The following SIRT1 variants were observed in gnomAD, a reference collection of about 807,000 sequenced individuals.
The protein encoded by SIRT1 is sirtuin 1, also known as NAD-dependent protein deacetylase sirtuin-1.
A neutral mutation model predicts 67.9 loss-of-function variants in SIRT1; 24 were observed. That is an observed-to-expected ratio of 0.35 (90% CI 0.26 to 0.50). The LOEUF is 0.50. SIRT1 is among the 20% of genes least tolerant of loss of function. SIRT1 has a pLI of 0.98. For synonymous variants in SIRT1, 378 were observed against 350.7 expected, an observed-to-expected ratio of 1.08 and a Z score of -0.87; for missense variants, 873 against 937.2, an observed-to-expected ratio of 0.93 and a Z score of 0.89.
chr10:67,884,917 G>C lies in SIRT1; in HGVS notation c.196G>C (p.Gly66Arg), dbSNP rs531048058. Residue 66 changes from glycine to arginine, a missense_variant, in exon 1 of 9, where the codon GGC (glycine) becomes CGC (arginine). Coordinates refer to ENST00000212015, the MANE Select transcript of SIRT1 (RefSeq NM_012238.5). ...PEREVPAAAR[G>R]CPGAAAAALW... Reference sequence around the variant, plus strand: ...GCGTGAGGTGCCGGCGGCGGCCAGGGGCTGCCCGGGTGCGGCGGCGGCGGC... The same window carrying C: ...GCGTGAGGTGCCGGCGGCGGCCAGGCGCTGCCCGGGTGCGGCGGCGGCGGC... 7.3e-6 allele frequency: 9 copies of C among 1,234,590 alleles called. No homozygotes were observed. The African/African-American group carries it at 1.4e-4, about 20-fold the overall frequency. 76.5% of individuals were successfully genotyped at this position (1,234,590 alleles called of 1,614,324 possible). A position where few individuals can be genotyped will look rare whatever the true frequency, so the allele number is the denominator to read the frequency against.
chr10:67,906,356 A>C (rs1307616400), intron 4 of SIRT1: 5 of 1,481,988 alleles, frequency 3.4e-6, no homozygotes, highest in African/African-American at 2.8e-5. Context: ...AATCAAAAAA[A>C]AATTTTAAAT....
intron 1 of SIRT1, 150 bp downstream of exon 1, chr10:67,885,301 C>T: frequency 8.1e-7 from 1 of 1,241,040 alleles, no homozygotes; most frequent in Non-Finnish European, 1.0e-6. Context: ...CCGCGCTCCT[C>T]CGGGGCTGCG....
In SIRT1 at chr10:67,895,210, A is replaced by C. The variant is rs576815019; in HGVS notation, c.942+3656A>C. Among the ~76,000 whole-genome samples, 237 of 152,200 alleles carry C rather than the reference A, an allele frequency of 1.6e-3. 3 individuals carry two copies. Among genetic ancestry groups the C allele is most frequent in the Middle Eastern group, 0.014 (4 of 294 alleles). ...CGAGGTGGGTGGATCACCTGAGGTC[A>C]GGAGTTCAAGACCAGCCTGGCCAAC... On this transcript the variant is annotated intron_variant, in intron 4 of 8. Transcript: ENST00000212015.
intron 4 of SIRT1, among the ~76,000 whole-genome samples, chr10:67,892,072 A>G (rs1307323614): frequency 2.0e-5 from 3 of 152,202 alleles, no homozygotes; most frequent in East Asian, 1.9e-4. Context: ...CACTAGCCAC[A>G]TGTGGCTGTT....
At position 67,889,072 on chromosome 10, in the gene SIRT1, T is replaced by C; in HGVS notation, c.738T>C (p.Ala246=). The C allele has an allele frequency of 6.2e-7, 1 of 1,609,200 alleles. No individual in the cohort carries two copies. Among genetic ancestry groups the C allele is most frequent in the Non-Finnish European group, 8.5e-7 (1 of 1,179,728 alleles). ...KRKDINTIED[A]VKLLQECKKI... ...AAGATATTAATACAATTGAAGATGC[T>C]GTGAAATTACTGCAAGAGTGCAAAA... is the stretch of plus-strand genomic sequence containing the variant. Residue 246 remains alanine (A), a synonymous_variant, in exon 3 of 9, where the codon GCT becomes GCC. Coordinates refer to ENST00000212015, the MANE Select transcript of SIRT1 (RefSeq NM_012238.5).
intron 8 of SIRT1, among the ~76,000 whole-genome samples, chr10:67,914,280 C>T (rs1262205845): frequency 6.6e-6 from 1 of 152,150 alleles, no homozygotes; most frequent in Non-Finnish European, 1.5e-5. Flanking sequence ...CCATGTTGGT[C>T]AGGCTGGTCT....
intron 4 of SIRT1, among the ~76,000 whole-genome samples, chr10:67,892,760 C>T (rs1842593803): frequency 6.6e-6 from 1 of 152,104 alleles, no homozygotes; most frequent in South Asian, 2.1e-4. Context: ...CGCTACCATG[C>T]CCAGCTAATT....
chr10:67,897,790 G>A (rs1319407583), intron 4 of SIRT1, among the ~76,000 whole-genome samples: 3 of 151,768 alleles, frequency 2.0e-5, no homozygotes, highest in South Asian at 2.1e-4. Flanking sequence ...GAGCCACTTC[G>A]CCCAGCCTGC....
At chr10:67,915,556 G>GA (rs1161050107) in intron 8 of SIRT1, among the ~76,000 whole-genome samples, 1 of 152,166 alleles carries the variant, frequency 6.6e-6, no homozygotes, top group Non-Finnish European at 1.5e-5. Flanking sequence ...TGGGGCCTGA[G>GA]ATCTCGGGTG....
chr10:67,913,198 CATG>C (rs1842925160), intron 8 of SIRT1, among the ~76,000 whole-genome samples, 167 bp downstream of exon 8: 1 of 152,136 alleles, frequency 6.6e-6, no homozygotes, highest in African/African-American at 2.4e-5. Context: ...GGTATCTTAA[CATG>C]ATATGGAGAA....
At chr10:67,903,080 G>C (rs34190217) in intron 4 of SIRT1, among the ~76,000 whole-genome samples, 3 of 152,054 alleles carry the variant, frequency 2.0e-5, no homozygotes, top group Non-Finnish European at 4.4e-5. Flanking sequence ...GTGACAGAGC[G>C]AGACTCTCAA....
chr10:67,890,006 G>A (rs905955269), intron 3 of SIRT1, among the ~76,000 whole-genome samples: 5 of 150,950 alleles, frequency 3.3e-5, no homozygotes, highest in African/African-American at 1.2e-4. Context: ...TGGATACAGG[G>A]TCTTGCTGTG....
rs2029943899 is a variant in SIRT1, at chr10:67,917,066, TAA to T, written c.*475_*476del. ...TTGAAGTACTCAAAATCTGTTACGC[TAA>T]ACTTTTGATTCTTTAACACAATTAT... On this transcript the variant is annotated 3_prime_UTR_variant, in exon 9 of 9. Transcript: ENST00000212015. The T allele has an allele frequency of 6.5e-6, 1 of 152,712 alleles. No individual in the cohort carries two copies. The highest frequency in any genetic ancestry group is 1.5e-5 in the Non-Finnish European group (1 of 68,068). The allele number at this position is 152,712 out of a possible 1,614,324, so 9.5% of individuals were successfully genotyped here. A position where few individuals can be genotyped will look rare whatever the true frequency, so the allele number is the denominator to read the frequency against.
At chr10:67,900,878 C>T (rs1842734887) in intron 4 of SIRT1, among the ~76,000 whole-genome samples, 1 of 152,068 alleles carries the variant, frequency 6.6e-6, no homozygotes, top group African/African-American at 2.4e-5. Context: ...ATATTATGTT[C>T]TTTTCTTTTG....
chr10:67,909,142 G>GTTTT, intron 6 of SIRT1, 114 bp from the exon 7 acceptor site: 1 of 629,184 alleles, frequency 1.6e-6, no homozygotes, highest in East Asian at 3.3e-5. Context: ...TTTCTGTTTT[G>GTTTT]TTTTTTTTTT....
At position 67,885,018 on chromosome 10, in the gene SIRT1, G is replaced by C; in HGVS notation, c.297G>C (p.Gly99=). The C allele has an allele frequency of 7.5e-7, 1 of 1,334,584 alleles. No individual in the cohort carries two copies. Among genetic ancestry groups the C allele is most frequent in the Non-Finnish European group, 9.7e-7 (1 of 1,033,592 alleles). The allele number at this position is 1,334,584 out of a possible 1,614,324, so 82.7% of individuals were successfully genotyped here. ...EQEAQATAAA[G]EGDNGPGLQG... is the part of the protein sequence containing the mutation. ...AGGCCCAGGCGACTGCGGCGGCTGG[G>C]GAAGGAGACAATGGGCCGGGCCTGC... is the stretch of plus-strand genomic sequence containing the variant. Residue 99 remains glycine (G), a synonymous_variant, in exon 1 of 9, where the codon GGG becomes GGC. Transcript: ENST00000212015.
chr10:67,891,211 G>A (rs10823103), intron 3 of SIRT1, among the ~76,000 whole-genome samples, 191 bp from the exon 4 acceptor site: 95,151 of 151,950 alleles, frequency 0.63, 30,639 homozygotes, highest in Non-Finnish European at 0.68. Flanking sequence ...TATGAGGTAT[G>A]TTTAATTTTA....
rs116374368 is a variant in SIRT1 at position 67,906,918 on chromosome 10, A to T, written c.1071A>T (p.Gln357His). 198 of 1,607,282 alleles carry T rather than the reference A, an allele frequency of 1.2e-4. 1 individual carries two copies. The African/African-American group carries it at 2.0e-3, about 16-fold the overall frequency. Residue 357 changes from glutamine (Q) to histidine (H), a missense_variant, in exon 5 of 9, where the codon CAA (glutamine) becomes CAT (histidine). Physicochemically the swap from Gln to His is conservative, Grantham distance 24. This residue lies in a region of SIRT1 where 251 missense variants were observed against 358.8 expected (regional missense o/e 0.70). Transcript: ENST00000212015. Reference protein sequence around the residue: ...IDTLEQVAGIQRIIQCHGSFA... With the variant: ...IDTLEQVAGIHRIIQCHGSFA... ...CGCTGGAACAGGTTGCGGGAATCCA[A>T]AGGATAATTCAGTGTCATGGTTAGT...
At chr10:67,886,555 CAAAAAA>C (rs34780303) in intron 1 of SIRT1, among the ~76,000 whole-genome samples, 5 of 97,904 alleles carry the variant, frequency 5.1e-5, no homozygotes, top group Admixed American at 1.1e-4. Context: ...GACCCCGTCT[CAAAAAA>C]AAAAAAAAAA....
Sources: gnomAD v4.1 joint callset for allele counts (sites outside exome capture counted in the v4.1 genomes callset) on GRCh38, gnomAD v4.1.1 for gene constraint, gnomAD v4.1.1 regional missense constraint, MANE v1.5 for transcripts, NCBI Gene and HGNC (gene_info 2026-07-23, HGNC 2026-07-21) for gene names.